Variants in COL6A6 observed in about 807,000 individuals in gnomAD.
COL6A6 encodes collagen alpha-6(VI) chain.
In COL6A6, 183 loss-of-function variants were observed where a neutral mutation model predicts 208.6. That is an observed-to-expected ratio of 0.88 (90% CI 0.78 to 0.99). COL6A6 has a LOEUF of 0.99. COL6A6 is among the 50% of genes least tolerant of loss of function. The pLI, the probability that COL6A6 is intolerant of heterozygous loss-of-function variation, is 0.00. For synonymous variants in COL6A6, 973 were observed against 1,011.8 expected, an observed-to-expected ratio of 0.96 and a Z score of 0.73; for missense variants, 2,816 against 2,815.2, an observed-to-expected ratio of 1.00 and a Z score of -0.01.
chr3:130,671,220 T>A (rs1031209068), intron 36 of COL6A6, among the ~76,000 whole-genome samples: 1 of 152,174 alleles, frequency 6.6e-6, no homozygotes, highest in Non-Finnish European at 1.5e-5. Flanking sequence ...TCTCCACATA[T>A]GTAGCCAGCC....
intron 10 of COL6A6, among the ~76,000 whole-genome samples, chr3:130,584,017 A>G (rs1433085255): frequency 1.3e-5 from 2 of 152,174 alleles, no homozygotes; most frequent in African/African-American, 2.4e-5. Flanking sequence ...ACTTATGCAC[A>G]TGGAATGGGG....
intron 20 of COL6A6, among the ~76,000 whole-genome samples, chr3:130,601,614 T>C (rs2064022459): frequency 6.6e-6 from 1 of 152,214 alleles, no homozygotes; most frequent in South Asian, 2.1e-4. Context: ...TAATGCAATA[T>C]TGCTATGCAT....
chr3:130,608,763 C>CAT, intron 21 of COL6A6, 139 bp from the exon 22 acceptor site: 1 of 308,646 alleles, frequency 3.2e-6, no homozygotes. Flanking sequence ...TATTTTTCAC[C>CAT]TTTTTTTTTT....
chr3:130,560,508 C>CA, intron 2 of COL6A6, 80 bp downstream of exon 2: 1 of 1,265,006 alleles, frequency 7.9e-7, no homozygotes, highest in African/African-American at 1.5e-5. Flanking sequence ...TTAAAAGTTA[C>CA]AAGTTTTGTA....
rs1345218154 is a variant in COL6A6 at position 130,628,777 on chromosome 3, G to A, written c.4992+1408G>A. ...ACAGCTCCGGTCTACAGCTCCCTGC[G>A]TGAGCGACGCAGAAGACGGTGATTT... On this transcript the variant is annotated intron_variant, in intron 26 of 36. Transcript: ENST00000358511. Among the ~76,000 whole-genome samples, 11 of 65,486 alleles carry A rather than the reference G, an allele frequency of 1.7e-4. No individual in the cohort carries two copies. In the South Asian group the frequency reaches 4.0e-3, roughly 24 times the overall value. 43.0% of individuals were successfully genotyped at this position (65,486 alleles called of 152,430 possible). A position where few individuals can be genotyped will look rare whatever the true frequency, so the allele number is the denominator to read the frequency against.
intron 18 of COL6A6, among the ~76,000 whole-genome samples, chr3:130,594,955 A>G (rs1401533190): frequency 1.3e-5 from 2 of 152,192 alleles, no homozygotes; most frequent in African/African-American, 2.4e-5. Flanking sequence ...CCATGATTCA[A>G]TTATTTCCAC....
At chr3:130,598,104 T>A (rs1241938680) in intron 18 of COL6A6, among the ~76,000 whole-genome samples, 3 of 152,208 alleles carry the variant, frequency 2.0e-5, no homozygotes, top group African/African-American at 7.2e-5. Flanking sequence ...CACATCACCC[T>A]GGCTTGCCTT....
chr3:130,665,140 GC>G, intron 36 of COL6A6, 44 bp downstream of exon 36: 1 of 1,326,302 alleles, frequency 7.5e-7, no homozygotes, highest in Non-Finnish European at 1.0e-6. Flanking sequence ...AATGCCCCCT[GC>G]CTTTCTTCTA....
intron 10 of COL6A6, among the ~76,000 whole-genome samples, chr3:130,583,665 G>A (rs768073542): frequency 2.6e-5 from 4 of 152,206 alleles, no homozygotes; most frequent in African/African-American, 4.8e-5. Context: ...CTTTGAAAGT[G>A]ACCATCTTTG....
intron 27 of COL6A6, 88 bp from the exon 28 acceptor site, chr3:130,635,611 C>A: frequency 2.3e-6 from 2 of 868,752 alleles, no homozygotes; most frequent in East Asian, 2.7e-5. Flanking sequence ...AAAATGTCTT[C>A]ATGTTAGAAT....
At chr3:130,641,889 A>G (rs1261819640) in intron 29 of COL6A6, among the ~76,000 whole-genome samples, 175 bp downstream of exon 29, 1 of 152,208 alleles carries the variant, frequency 6.6e-6, no homozygotes, top group African/African-American at 2.4e-5. Context: ...GTGAAAAAAT[A>G]CTGATTAAAT....
At chr3:130,651,094 C>T (rs2065629943) in intron 33 of COL6A6, among the ~76,000 whole-genome samples, 1 of 152,170 alleles carries the variant, frequency 6.6e-6, no homozygotes, top group Admixed American at 6.5e-5. Flanking sequence ...TTAATTTATG[C>T]AACACTGCAT....
chr3:130,634,214 TAAA>T (rs2065032422), intron 26 of COL6A6, among the ~76,000 whole-genome samples: 1 of 26,802 alleles, frequency 3.7e-5, no homozygotes, highest in South Asian at 1.2e-3. Context: ...AAAAAAAAAA[TAAA>T]TAAATAAATA....
intron 33 of COL6A6, among the ~76,000 whole-genome samples, chr3:130,653,068 C>T (rs72996275): frequency 1.3e-5 from 2 of 152,186 alleles, no homozygotes; most frequent in African/African-American, 2.4e-5. Context: ...AATGGAGGAC[C>T]ATTTTTTAAT....
At chr3:130,618,744 C>A (rs753618010) in intron 23 of COL6A6, among the ~76,000 whole-genome samples, 16 of 152,328 alleles carry the variant, frequency 1.1e-4, no homozygotes, top group African/African-American at 3.8e-4. Flanking sequence ...TTTTCTGATT[C>A]TCTAATGGCA....
At chr3:130,527,880 GTTACT>G (rs2061993619) in intron 1 of COL6A6, among the ~76,000 whole-genome samples, 1 of 112,298 alleles carries the variant, frequency 8.9e-6, no homozygotes, top group African/African-American at 3.4e-5. Flanking sequence ...TACTTCCAAT[GTTACT>G]TTTCCTTTTT....
At chr3:130,607,260 T>G (rs984472656) in intron 21 of COL6A6, among the ~76,000 whole-genome samples, 2 of 152,206 alleles carry the variant, frequency 1.3e-5, no homozygotes, top group Non-Finnish European at 2.9e-5. Context: ...TAGATGACCC[T>G]TCTTTTACAT....
chr3:130,640,623 A>G (rs147470191), intron 28 of COL6A6, among the ~76,000 whole-genome samples: 3 of 152,312 alleles, frequency 2.0e-5, no homozygotes, highest in Middle Eastern at 3.4e-3. Flanking sequence ...ATTCCTGTAA[A>G]TGTTGTAAAT....
intron 33 of COL6A6, among the ~76,000 whole-genome samples, chr3:130,654,626 T>C (rs2065738168): frequency 6.6e-6 from 1 of 152,242 alleles, no homozygotes; most frequent in Admixed American, 6.5e-5. Context: ...TGTCCTCTGG[T>C]CCTAAGTCCA....
Sources: gnomAD v4.1 joint callset for allele counts (sites outside exome capture counted in the v4.1 genomes callset) on GRCh38, gnomAD v4.1.1 for gene constraint, MANE v1.5 for transcripts, NCBI Gene and HGNC (gene_info 2026-07-23, HGNC 2026-07-21) for gene names.